TBC1D23: variants seen among roughly 807,000 people sequenced by gnomAD.
TBC1D23 encodes TBC1 domain family member 23.
A neutral mutation model predicts 91.4 loss-of-function variants in TBC1D23; 55 were observed. That is an observed-to-expected ratio of 0.60 (90% CI 0.48 to 0.75). TBC1D23 has a LOEUF of 0.75. Ranked by LOEUF, TBC1D23 falls within the 30% of genes least tolerant of loss-of-function variation. The probability of loss-of-function intolerance (pLI) is 0.00; values close to 1 mark genes in which losing one functional copy is unlikely to be tolerated. For synonymous variants in TBC1D23, 289 were observed against 281.0 expected (o/e 1.03, Z -0.28); for missense variants, 725 against 836.1 (o/e 0.87, Z 1.64).
intron 9 of TBC1D23, among the ~76,000 whole-genome samples, chr3:100,298,589 A>G (rs1705349049): frequency 6.6e-6 from 1 of 152,208 alleles, no homozygotes; most frequent in Non-Finnish European, 1.5e-5. Flanking sequence ...GGTTGAGGGC[A>G]GGAAAGGAAT....
At chr3:100,303,622 T>C (rs1705469891) in intron 11 of TBC1D23, among the ~76,000 whole-genome samples, 1 of 151,934 alleles carries the variant, frequency 6.6e-6, no homozygotes, top group Non-Finnish European at 1.5e-5. Flanking sequence ...AATAAAAATA[T>C]TAACTGTGTG....
intron 4 of TBC1D23, among the ~76,000 whole-genome samples, chr3:100,290,040 A>G (rs1448479006): frequency 6.6e-6 from 1 of 152,208 alleles, no homozygotes; most frequent in African/African-American, 2.4e-5. Flanking sequence ...TAGGACAGTT[A>G]TTGAACAAGA....
chr3:100,262,735 A>AAAAAAAAAAAAAAAC (rs2067522996), intron 1 of TBC1D23, among the ~76,000 whole-genome samples: 1 of 151,130 alleles, frequency 6.6e-6, no homozygotes, highest in Non-Finnish European at 1.5e-5. Flanking sequence ...AAAAAAAAAA[A>AAAAAAAAAAAAAAAC]AAAAAAAAAA....
chr3:100,315,066 C>T (rs762938998), intron 15 of TBC1D23, among the ~76,000 whole-genome samples: 29 of 151,256 alleles, frequency 1.9e-4, no homozygotes, highest in Non-Finnish European at 3.5e-4. Context: ...TTTTTATATT[C>T]CAAAGAAAGG....
At chr3:100,290,798 C>A in intron 5 of TBC1D23, 97 bp downstream of exon 5, 4 of 1,065,144 alleles carry the variant, frequency 3.8e-6, no homozygotes, top group South Asian at 1.9e-5. Context: ...AAGAAAAGTC[C>A]TAATTATAGA....
chr3:100,302,978 GAATA>G, intron 11 of TBC1D23, among the ~76,000 whole-genome samples: 1 of 152,270 alleles, frequency 6.6e-6, no homozygotes. Context: ...ATTTGAAACT[GAATA>G]AATACATATG....
chr3:100,289,871 A>G (rs2148858315), intron 4 of TBC1D23, among the ~76,000 whole-genome samples: 1 of 152,238 alleles, frequency 6.6e-6, no homozygotes, highest in South Asian at 2.1e-4. Flanking sequence ...TAAGTAGAGT[A>G]CCTTCTTTCT....
At chr3:100,285,942 A>C (rs1481590239) in intron 4 of TBC1D23, among the ~76,000 whole-genome samples, 1 of 151,962 alleles carries the variant, frequency 6.6e-6, no homozygotes, top group African/African-American at 2.4e-5. Flanking sequence ...TTTTCCAATA[A>C]ATCTTTTGCA....
chr3:100,306,687 G>C, intron 13 of TBC1D23, 144 bp downstream of exon 13: 1 of 538,204 alleles, frequency 1.9e-6, no homozygotes, highest in South Asian at 2.4e-5. Flanking sequence ...TGAGATTAAT[G>C]AGATGATACA....
chr3:100,261,116 C>T (rs1795136), intron 1 of TBC1D23, 45 bp downstream of exon 1: 2 of 1,574,024 alleles, frequency 1.3e-6, no homozygotes, highest in Non-Finnish European at 1.7e-6. Context: ...TTTATTCTTC[C>T]TTCTCACCAT....
At chr3:100,276,832 G>A (rs2067652507) in intron 1 of TBC1D23, among the ~76,000 whole-genome samples, 1 of 152,220 alleles carries the variant, frequency 6.6e-6, no homozygotes. Context: ...GAGTCAGGAG[G>A]AGGTGAGTTT....
Position 100,272,743 on chromosome 3 carries a change from G to A in TBC1D23, c.54-6906G>A, listed in dbSNP as rs541746995. Among the ~76,000 whole-genome samples the A allele has an allele frequency of 9.8e-5, 15 of 152,342 alleles. No individual in the cohort carries two copies. In the East Asian group the frequency reaches 2.9e-3, roughly 29 times the overall value. On this transcript the variant is annotated intron_variant, in intron 1 of 18. Coordinates refer to ENST00000394144, the MANE Select transcript of TBC1D23 (RefSeq NM_001199198.3). The stretch of plus-strand genomic sequence containing the variant: ...GATAATAGTGGAGAGAAGGTCAGCA[G>A]ATAAACACGTGAACAAAGGTCTCTG...
Position 100,291,869 on chromosome 3 carries a change from G to A in TBC1D23, c.600+1168G>A, listed in dbSNP as rs560187965. 6.0e-5 allele frequency among the ~76,000 whole-genome samples: 9 copies of A among 148,986 alleles called. No homozygotes were observed. In the South Asian group the frequency reaches 6.3e-4, roughly 10 times the overall value. ...GAGTGCCGTGGCTCCCAGGTTAAGC[G>A]ATTCTTCTGCCTCAGCCTCCCAAGT... On this transcript the variant is annotated intron_variant, in intron 5 of 18. Coordinates refer to ENST00000394144, the MANE Select transcript of TBC1D23 (RefSeq NM_001199198.3).
chr3:100,320,786 G>T lies in TBC1D23; in HGVS notation c.1833G>T (p.Leu611Phe). The T allele has an allele frequency of 6.8e-7, 1 of 1,475,736 alleles. No homozygotes were observed. The allele number at this position is 1,475,736 out of a possible 1,614,324, so 91.4% of individuals were successfully genotyped here. A position where few individuals can be genotyped will look rare whatever the true frequency, so the allele number is the denominator to read the frequency against. ...CTTTTTTTGTCTCAAGTCATCTGTT[G>T]GTTACTGCAACACATATGTACTGTT... ...ESGHMFPSHL[L>F]VTATHMYCLR... Residue 611 changes from leucine to phenylalanine, a missense_variant, in exon 18 of 19, where the codon TTG (leucine) becomes TTT (phenylalanine). By Grantham distance (22) the Leu-to-Phe change is conservative. Transcript: ENST00000394144.
intron 1 of TBC1D23, among the ~76,000 whole-genome samples, chr3:100,267,739 G>C (rs1269279612): frequency 1.3e-5 from 2 of 152,148 alleles, no homozygotes; most frequent in African/African-American, 2.4e-5. Context: ...GAGCATTTCG[G>C]AGTTGGGATT....
chr3:100,285,046 G>GTGTTT (rs1170454295), intron 4 of TBC1D23, among the ~76,000 whole-genome samples: 1 of 152,148 alleles, frequency 6.6e-6, no homozygotes, highest in African/African-American at 2.4e-5. Flanking sequence ...TGAGGTATAA[G>GTGTTT]TGTTTTGTAT....
rs1459479962 is a variant in TBC1D23, at chr3:100,261,005, G to A, written c.-14G>A. The A allele has an allele frequency of 1.9e-6, 3 of 1,612,564 alleles. No individual in the cohort carries two copies. The highest frequency in any genetic ancestry group is 2.5e-6 in the Non-Finnish European group (3 of 1,178,610). On this transcript the variant is annotated 5_prime_UTR_variant, in exon 1 of 19. Coordinates refer to ENST00000394144, the MANE Select transcript of TBC1D23 (RefSeq NM_001199198.3). Reference sequence around the variant, plus strand: ...GATCCACTTTTCGGCAAAGTGACGTGGACGTCAACAGCAATGGCGGAAGGA... The same window carrying A: ...GATCCACTTTTCGGCAAAGTGACGTAGACGTCAACAGCAATGGCGGAAGGA...
At chr3:100,306,683 T>C in intron 13 of TBC1D23, 140 bp downstream of exon 13, 1 of 542,176 alleles carries the variant, frequency 1.8e-6, no homozygotes, top group East Asian at 3.1e-5. Flanking sequence ...ATTGTGAGAT[T>C]AATGAGATGA....
chr3:100,282,206 G>A (rs2067701203), intron 3 of TBC1D23, among the ~76,000 whole-genome samples: 1 of 152,158 alleles, frequency 6.6e-6, no homozygotes, highest in African/African-American at 2.4e-5. Flanking sequence ...CAGCTACTTG[G>A]GAGGCTGAGG....
Sources: allele counts gnomAD v4.1 joint callset (sites outside exome capture counted in the v4.1 genomes callset), GRCh38; gene constraint gnomAD v4.1.1; transcripts MANE v1.5; gene names NCBI Gene and HGNC (gene_info 2026-07-23, HGNC 2026-07-21).